MTMR8: variants seen among roughly 807,000 people sequenced by gnomAD.
MTMR8 encodes the protein myotubularin related protein 8.
In MTMR8, 65 loss-of-function variants were observed where a neutral mutation model predicts 39.3. The ratio of observed to expected loss-of-function variants is 1.65; its 90% CI spans 1.35 to 2.03. The LOEUF is 2.03. Ranked by LOEUF, MTMR8 falls within the 30% of genes most tolerant of loss-of-function variation. The pLI is 0.00. For missense variants in MTMR8, 777 were observed against 538.9 expected, an observed-to-expected ratio of 1.44 and a Z score of -4.37; for synonymous variants, 245 against 185.2, an observed-to-expected ratio of 1.32 and a Z score of -2.62.
At chrX:64,344,261 G>T (rs1336449892) in intron 7 of MTMR8, among the ~76,000 whole-genome samples, 1 of 111,798 alleles carries the variant, frequency 8.9e-6, no homozygotes. Flanking sequence ...GGGCAAAAAA[G>T]AAAGGAGTAA....
chrX:64,300,066 G>A (rs2147199387), intron 12 of MTMR8, among the ~76,000 whole-genome samples: 1 of 97,800 alleles, frequency 1.0e-5, no homozygotes, highest in African/African-American at 3.8e-5. Context: ...GTTGATTTGG[G>A]GTGGAGAGTT....
At chrX:64,377,329 G>T (rs1924297332) in intron 1 of MTMR8, among the ~76,000 whole-genome samples, 1 of 111,299 alleles carries the variant, frequency 9.0e-6, no homozygotes, top group African/African-American at 3.3e-5. Flanking sequence ...ACCTGGAAAA[G>T]ATCCACCCAC....
chrX:64,319,811 G>A (rs1192069142), intron 12 of MTMR8, among the ~76,000 whole-genome samples: 1 of 111,262 alleles, frequency 9.0e-6, no homozygotes, highest in African/African-American at 3.3e-5. Flanking sequence ...CTGTAGCCTT[G>A]TAATATAGTT....
intron 1 of MTMR8, among the ~76,000 whole-genome samples, chrX:64,363,667 G>A (rs962174898): frequency 7.2e-5 from 8 of 111,827 alleles, no homozygotes; most frequent in Admixed American, 2.9e-4. Context: ...AGCTCCCAGC[G>A]TGACCGACGC....
chrX:64,305,167 A>G, intron 12 of MTMR8: 2 of 211,027 alleles, frequency 9.5e-6, no homozygotes, highest in Non-Finnish European at 1.9e-5. Context: ...CTGAGCAATC[A>G]TCTCATAGGC....
intron 1 of MTMR8, among the ~76,000 whole-genome samples, chrX:64,393,610 C>A (rs780859327): frequency 2.9e-4 from 33 of 111,905 alleles, no homozygotes; most frequent in African/African-American, 1.0e-3. Flanking sequence ...GGAGTCTGGA[C>A]AACAGAAGTT....
chrX:64,291,585 G>T (rs2083023861), intron 12 of MTMR8, among the ~76,000 whole-genome samples: 1 of 110,606 alleles, frequency 9.0e-6, no homozygotes, highest in African/African-American at 3.3e-5. Context: ...TTCTTTCCTT[G>T]ATCAGTCCTG....
intron 1 of MTMR8, among the ~76,000 whole-genome samples, chrX:64,360,181 A>T (rs182206406): frequency 9.1e-6 from 1 of 110,465 alleles, no homozygotes; most frequent in African/African-American, 3.3e-5. Context: ...ACCAAAATAA[A>T]GCTGAGGTAG....
At chrX:64,366,322 C>T (rs1407814019) in intron 1 of MTMR8, among the ~76,000 whole-genome samples, 10 of 111,807 alleles carry the variant, frequency 8.9e-5, no homozygotes, top group Admixed American at 4.7e-4. Flanking sequence ...AGCACTACAT[C>T]GCACTTATTC....
At chrX:64,312,934 A>G (rs1182182347) in intron 12 of MTMR8, among the ~76,000 whole-genome samples, 1 of 112,546 alleles carries the variant, frequency 8.9e-6, no homozygotes, top group Admixed American at 9.4e-5. Flanking sequence ...TTAGTAAACC[A>G]TGCTGTGAGC....
At chrX:64,388,401 G>A (rs1010018930) in intron 1 of MTMR8, among the ~76,000 whole-genome samples, 3 of 111,806 alleles carry the variant, frequency 2.7e-5, no homozygotes, top group East Asian at 2.8e-4. Flanking sequence ...AGTAATAAGC[G>A]AGAAAATATG....
At chrX:64,274,575 A>G (rs1188555313) in intron 12 of MTMR8, among the ~76,000 whole-genome samples, 3 of 112,051 alleles carry the variant, frequency 2.7e-5, no homozygotes, top group Non-Finnish European at 3.8e-5. Context: ...AGGAACTGAA[A>G]TCAGTATTTT....
Position 64,315,685 on chromosome X carries a change from G to A in MTMR8, c.1481+13087C>T, listed in dbSNP as rs1922446142. 4.5e-5 allele frequency among the ~76,000 whole-genome samples: 5 copies of A among 110,032 alleles called. No homozygotes were observed. The South Asian group carries it at 1.9e-3, about 42-fold the overall frequency. On this transcript the variant is annotated intron_variant, in intron 12 of 13. Coordinates refer to ENST00000374852, the MANE Select transcript of MTMR8 (RefSeq NM_017677.4). ...ACAGCATATATTTTTTATCCACTCTGCTAATTTTTTTCATTTAATTGGTGT... is the reference window on the plus strand; with the variant it reads ...ACAGCATATATTTTTTATCCACTCTACTAATTTTTTTCATTTAATTGGTGT...
chrX:64,297,355 GT>G (rs1199496002), intron 12 of MTMR8, among the ~76,000 whole-genome samples: 3 of 107,406 alleles, frequency 2.8e-5, no homozygotes, highest in African/African-American at 6.8e-5. Flanking sequence ...TTTTTCATGT[GT>G]TTTTTGGCGG....
Position 64,348,876 on chromosome X carries a change from A to C in MTMR8, c.598-82T>G, listed in dbSNP as rs773213081. 7.5e-6 allele frequency: 8 copies of C among 1,063,643 alleles called. No individual in the cohort carries two copies. The East Asian group carries it at 1.2e-4, about 16-fold the overall frequency. The allele number at this position is 1,063,643 out of a possible 1,213,427, so 87.7% of individuals were successfully genotyped here. Reference sequence around the variant, plus strand: ...TTCTTGACCCTTGCCAGGTTCCATGAGTAGAGGGAGAGGATGAGCCAACTT... The same window carrying C: ...TTCTTGACCCTTGCCAGGTTCCATGCGTAGAGGGAGAGGATGAGCCAACTT... On this transcript the variant is annotated intron_variant, in intron 5 of 13. Coordinates refer to ENST00000374852, the MANE Select transcript of MTMR8 (RefSeq NM_017677.4).
chrX:64,370,668 A>G (rs1011965908), intron 1 of MTMR8, among the ~76,000 whole-genome samples: 2 of 112,226 alleles, frequency 1.8e-5, no homozygotes, highest in Non-Finnish European at 3.8e-5. Flanking sequence ...ACAACGTACC[A>G]CAAATACAAT....
intron 1 of MTMR8, among the ~76,000 whole-genome samples, chrX:64,361,936 A>C (rs1468272970): frequency 9.0e-6 from 1 of 111,234 alleles, no homozygotes; most frequent in African/African-American, 3.3e-5. Context: ...GAAAGAAAAG[A>C]ATCAACCAAA....
At chrX:64,370,533 G>C (rs773904276) in intron 1 of MTMR8, among the ~76,000 whole-genome samples, 1 of 111,142 alleles carries the variant, frequency 9.0e-6, no homozygotes, top group Non-Finnish European at 1.9e-5. Flanking sequence ...TAGCTAAAAG[G>C]GATAACACAA....
chrX:64,296,464 T>G (rs1921587193), intron 12 of MTMR8, among the ~76,000 whole-genome samples: 1 of 110,794 alleles, frequency 9.0e-6, no homozygotes, highest in East Asian at 2.8e-4. Context: ...AAATTTTATG[T>G]TATGTATATT....
Sources: gnomAD v4.1 joint callset for allele counts (sites outside exome capture counted in the v4.1 genomes callset) on GRCh38, gnomAD v4.1.1 for gene constraint, MANE v1.5 for transcripts, NCBI Gene and HGNC (gene_info 2026-07-23, HGNC 2026-07-21) for gene names.